KIAA0586: variants seen among roughly 807,000 people sequenced by gnomAD.
KIAA0586 encodes the protein KIAA0586, also known as protein TALPID3.
In KIAA0586, 144 loss-of-function variants were observed where a neutral mutation model predicts 169.8. The ratio of observed to expected loss-of-function variants is 0.85; its 90% CI spans 0.74 to 0.97. The LOEUF is 0.97. KIAA0586 is among the 50% of genes least tolerant of loss of function. The probability of loss-of-function intolerance (pLI) is 0.00; values close to 1 mark genes in which losing one functional copy is unlikely to be tolerated. For synonymous variants in KIAA0586, 625 were observed against 612.4 expected (o/e 1.02, Z -0.30); for missense variants, 1,854 against 1,823.0 (o/e 1.02, Z -0.31).
At position 58,488,606 on chromosome 14, in the gene KIAA0586, T is replaced by G. The variant is rs752835695; in HGVS notation, c.3528-15T>G. The G allele has an allele frequency of 1.1e-5, 17 of 1,612,470 alleles. No individual in the cohort carries two copies. In the South Asian group the frequency reaches 1.2e-4, roughly 11 times the overall value. ...AGTGACCTAACAAGCTCCAAATATG[T>G]CTTTATTTTCTTAGTGTAATGTCTG... On this transcript the variant is annotated splice_polypyrimidine_tract_variant and intron_variant, in intron 23 of 30. Transcript: ENST00000652326.
intron 14 of KIAA0586, among the ~76,000 whole-genome samples, chr14:58,462,234 A>G (rs555090395): frequency 2.1e-5 from 3 of 142,932 alleles, no homozygotes; most frequent in South Asian, 4.4e-4. Flanking sequence ...TCTCTTATTT[A>G]GTGTAGTTTT....
intron 19 of KIAA0586, among the ~76,000 whole-genome samples, chr14:58,475,766 G>T (rs1016071923): frequency 6.6e-6 from 1 of 152,068 alleles, no homozygotes; most frequent in Non-Finnish European, 1.5e-5. Context: ...AACAAAGCAG[G>T]ATACTAACAA....
In KIAA0586 at chr14:58,427,964, TCTGGGGTTGGGGAGTG is replaced by T; in HGVS notation, c.-299_-284del. 1 of 1,409,020 alleles carries T rather than the reference TCTGGGGTTGGGGAGTG, an allele frequency of 7.1e-7. No homozygotes were observed. Among genetic ancestry groups the T allele is most frequent in the South Asian group, 1.5e-5 (1 of 64,734 alleles). The allele number at this position is 1,409,020 out of a possible 1,614,324, so 87.3% of individuals were successfully genotyped here. A position where few individuals can be genotyped will look rare whatever the true frequency, so the allele number is the denominator to read the frequency against. On this transcript the variant is annotated 5_prime_UTR_variant, in exon 1 of 31. It removes the in-frame stop codon of an upstream open reading frame in the 5' UTR. Coordinates refer to ENST00000652326, the MANE Select transcript of KIAA0586 (RefSeq NM_001329943.3). The stretch of plus-strand genomic sequence containing the variant: ...ATGTGTTTGGTTTTGCCCTACCAGC[TCTGGGGTTGGGGAGTG>T]CACTGTTATGGTTATTGTTGCTCCT...
At chr14:58,480,449 T>C (rs2041955689) in intron 20 of KIAA0586, among the ~76,000 whole-genome samples, 1 of 152,188 alleles carries the variant, frequency 6.6e-6, no homozygotes, top group Non-Finnish European at 1.5e-5. Context: ...TGCCCTCTTT[T>C]CTGTTTTCTT....
At chr14:58,539,647 T>C (rs1349332626) in intron 29 of KIAA0586, among the ~76,000 whole-genome samples, 1 of 152,186 alleles carries the variant, frequency 6.6e-6, no homozygotes, top group Non-Finnish European at 1.5e-5. Context: ...TTCCTACGGA[T>C]TGTATTGAGT....
At chr14:58,520,985 T>C (rs2045173908) in intron 29 of KIAA0586, 3 of 271,374 alleles carry the variant, frequency 1.1e-5, no homozygotes, top group South Asian at 1.2e-4. Flanking sequence ...CCTAGAGAGA[T>C]GGATAAAACA....
At chr14:58,433,115 G>C (rs941155551) in intron 4 of KIAA0586, 1 of 152,064 alleles carries the variant, frequency 6.6e-6, no homozygotes, top group African/African-American at 2.4e-5. Context: ...TTTTAAGACA[G>C]GGTCTCGCTC....
At position 58,478,847 on chromosome 14, in the gene KIAA0586, C is replaced by T. The variant is rs185263992; in HGVS notation, c.2944+1606C>T. On this transcript the variant is annotated intron_variant, in intron 20 of 30. Coordinates refer to ENST00000652326, the MANE Select transcript of KIAA0586 (RefSeq NM_001329943.3). ...ATATGTAATCATGCAATATGTAGCCCGTTGTTAGCTGGCTTCTTTTATTAG... is the reference window on the plus strand; with the variant it reads ...ATATGTAATCATGCAATATGTAGCCTGTTGTTAGCTGGCTTCTTTTATTAG... Among the ~76,000 whole-genome samples the T allele has an allele frequency of 1.4e-4, 22 of 152,206 alleles. No individual in the cohort carries two copies. In the East Asian group the frequency reaches 4.0e-3, roughly 28 times the overall value.
intron 29 of KIAA0586, among the ~76,000 whole-genome samples, chr14:58,527,672 C>CTTGT (rs2045685379): frequency 6.6e-6 from 1 of 152,134 alleles, no homozygotes; most frequent in African/African-American, 2.4e-5. Context: ...ATTTTGTCAC[C>CTTGT]ACCAGGCTTG....
chr14:58,521,506 C>G (rs1353737153), intron 29 of KIAA0586: 1 of 765,088 alleles, frequency 1.3e-6, no homozygotes, highest in Non-Finnish European at 2.4e-6. Context: ...TTACCCAGCA[C>G]ATGTTCCTCC....
intron 4 of KIAA0586, among the ~76,000 whole-genome samples, chr14:58,440,579 G>A (rs1372714527): frequency 9.9e-5 from 15 of 152,202 alleles, no homozygotes; most frequent in South Asian, 4.1e-4. Context: ...TGATCCACCC[G>A]CCTTAGCCTC....
intron 30 of KIAA0586, among the ~76,000 whole-genome samples, chr14:58,542,006 A>G (rs77756190): frequency 0.013 from 2,035 of 152,322 alleles, 21 homozygotes; most frequent in Middle Eastern, 0.02. Flanking sequence ...ATTTGCTTTC[A>G]TGGTGATTTA....
intron 30 of KIAA0586, chr14:58,543,820 C>G: frequency 2.3e-6 from 1 of 434,548 alleles, no homozygotes; most frequent in East Asian, 7.1e-5. Context: ...TCTCCCGTCT[C>G]TCTATTTTCC....
At chr14:58,492,102 G>A (rs569694300) in intron 25 of KIAA0586, 42 bp from the exon 26 acceptor site, 87 of 1,412,526 alleles carry the variant, frequency 6.2e-5, no homozygotes, top group Admixed American at 2.9e-4. Context: ...GCAATTGTTC[G>A]AAATAATTTA....
At chr14:58,497,565 A>G (rs548910575) in intron 26 of KIAA0586, among the ~76,000 whole-genome samples, 47 of 151,428 alleles carry the variant, frequency 3.1e-4, no homozygotes, top group African/African-American at 9.9e-4. Context: ...GGGTTTCACC[A>G]TATTGGCCAG....
At chr14:58,484,667 T>C (rs2042245708) in intron 21 of KIAA0586, among the ~76,000 whole-genome samples, 2 of 150,888 alleles carry the variant, frequency 1.3e-5, no homozygotes, top group South Asian at 4.2e-4. Context: ...GCTATATGTT[T>C]ATGCAGTCAA....
At chr14:58,481,536 A>G (rs1398635122) in intron 20 of KIAA0586, among the ~76,000 whole-genome samples, 1 of 152,210 alleles carries the variant, frequency 6.6e-6, no homozygotes, top group Non-Finnish European at 1.5e-5. Context: ...GATCTATCAC[A>G]GAGTTTCCTG....
At chr14:58,471,101 C>T (rs563719142) in intron 17 of KIAA0586, among the ~76,000 whole-genome samples, 1 of 152,256 alleles carries the variant, frequency 6.6e-6, no homozygotes, top group African/African-American at 2.4e-5. Context: ...ATCCCTCTAC[C>T]TCGGCCTCCC....
chr14:58,467,965 A>G, intron 16 of KIAA0586, 43 bp downstream of exon 16: 1 of 1,446,552 alleles, frequency 6.9e-7, no homozygotes, highest in South Asian at 1.4e-5. Context: ...GGAAGAAAAA[A>G]TTTTTTTGCT....
Sources: gnomAD v4.1 joint callset for allele counts (sites outside exome capture counted in the v4.1 genomes callset) on GRCh38, gnomAD v4.1.1 for gene constraint, MANE v1.5 for transcripts, NCBI Gene and HGNC (gene_info 2026-07-23, HGNC 2026-07-21) for gene names.